SLC35F1: variants seen among roughly 807,000 people sequenced by gnomAD.
SLC35F1 encodes the protein chromosome 6 open reading frame 169.
A neutral mutation model predicts 48.7 loss-of-function variants in SLC35F1; 14 were observed. The observed-to-expected ratio is 0.29, with a 90% CI of 0.19 to 0.45. SLC35F1 has a LOEUF of 0.45. SLC35F1 is among the 20% of genes least tolerant of loss of function. The pLI is 1.00. For missense variants in SLC35F1, 404 were observed against 500.0 expected (o/e 0.81, Z 1.83); for synonymous variants, 190 against 202.2 (o/e 0.94, Z 0.51).
At chr6:118,020,753 G>T (rs945868647) in intron 1 of SLC35F1, among the ~76,000 whole-genome samples, 1 of 152,160 alleles carries the variant, frequency 6.6e-6, no homozygotes. Flanking sequence ...AAGGTTCAGG[G>T]AGTTGAAGAG....
chr6:117,967,336 T>C (rs1353112210), intron 1 of SLC35F1, among the ~76,000 whole-genome samples: 1 of 152,176 alleles, frequency 6.6e-6, no homozygotes. Context: ...ACTATATTTC[T>C]AAAAAATGAA....
chr6:118,057,406 TC>T (rs1772477806), intron 1 of SLC35F1, among the ~76,000 whole-genome samples: 1 of 152,014 alleles, frequency 6.6e-6, no homozygotes, highest in Non-Finnish European at 1.5e-5. Flanking sequence ...ACCTTGATGG[TC>T]CCAAGCAGGA....
In SLC35F1 at chr6:118,314,371, G is replaced by GT; in HGVS notation, c.*120dup. 2 of 839,514 alleles carry GT rather than the reference G, an allele frequency of 2.4e-6. No individual in the cohort carries two copies. The highest frequency in any genetic ancestry group is 3.8e-6 in the Non-Finnish European group (2 of 533,268). The allele number at this position is 839,514 out of a possible 1,614,324, so 52.0% of individuals were successfully genotyped here. On this transcript the variant is annotated 3_prime_UTR_variant, in exon 8 of 8. Transcript: ENST00000360388. Reference sequence around the variant, plus strand: ...GCAGTTTACACAGGTGGACTGCAAGGTAGCAAATCCTCCAAAAGCTTGTGA... The same window carrying GT: ...GCAGTTTACACAGGTGGACTGCAAGGTTAGCAAATCCTCCAAAAGCTTGTGA...
intron 3 of SLC35F1, among the ~76,000 whole-genome samples, chr6:118,250,131 T>C (rs1470867713): frequency 1.3e-5 from 2 of 152,240 alleles, no homozygotes; most frequent in African/African-American, 4.8e-5. Context: ...TTTGCTCAAC[T>C]GTCATCTTTT....
chr6:117,952,817 G>A (rs1046702831), intron 1 of SLC35F1, among the ~76,000 whole-genome samples: 1 of 152,132 alleles, frequency 6.6e-6, no homozygotes, highest in South Asian at 2.1e-4. Context: ...ATAATTTTTA[G>A]CCTACCAGAA....
intron 1 of SLC35F1, among the ~76,000 whole-genome samples, chr6:117,969,016 C>T (rs1776605994): frequency 6.6e-6 from 1 of 152,072 alleles, no homozygotes; most frequent in African/African-American, 2.4e-5. Flanking sequence ...AGCTTATAGC[C>T]TAGAAAATGT....
intron 1 of SLC35F1, among the ~76,000 whole-genome samples, chr6:118,059,791 A>G (rs1047922330): frequency 6.6e-6 from 1 of 152,218 alleles, no homozygotes; most frequent in African/African-American, 2.4e-5. Context: ...CCACATGCCC[A>G]GAGCAAGAGA....
chr6:117,927,670 A>G (rs1776046351), intron 1 of SLC35F1, among the ~76,000 whole-genome samples: 1 of 152,274 alleles, frequency 6.6e-6, no homozygotes, highest in South Asian at 2.1e-4. Flanking sequence ...AATCGCTTAG[A>G]ACAGTGCCTG....
At chr6:118,161,595 C>G (rs945260957) in intron 2 of SLC35F1, among the ~76,000 whole-genome samples, 3 of 152,180 alleles carry the variant, frequency 2.0e-5, no homozygotes, top group African/African-American at 7.2e-5. Flanking sequence ...TGGGAAATTA[C>G]TTGGCAAATC....
At chr6:118,124,911 G>T (rs892558474) in intron 1 of SLC35F1, among the ~76,000 whole-genome samples, 1 of 152,050 alleles carries the variant, frequency 6.6e-6, no homozygotes, top group Admixed American at 6.6e-5. Context: ...TCTTCACAAC[G>T]TGCAAAATAG....
At chr6:118,143,321 G>C (rs578018286) in intron 1 of SLC35F1, among the ~76,000 whole-genome samples, 1 of 152,038 alleles carries the variant, frequency 6.6e-6, no homozygotes, top group African/African-American at 2.4e-5. Flanking sequence ...AAGGAAAAAT[G>C]CCAAAGTCAT....
intron 1 of SLC35F1, among the ~76,000 whole-genome samples, chr6:117,927,092 A>T (rs568559179): frequency 6.6e-6 from 1 of 152,328 alleles, no homozygotes; most frequent in African/African-American, 2.4e-5. Context: ...ATCATCTGTG[A>T]AATTCAGTAA....
At chr6:118,204,400 T>C (rs950265494) in intron 2 of SLC35F1, among the ~76,000 whole-genome samples, 1 of 152,168 alleles carries the variant, frequency 6.6e-6, no homozygotes, top group South Asian at 2.1e-4. Flanking sequence ...CTTGGACACT[T>C]TTTACTTTGG....
At chr6:118,204,214 G>C (rs999205519) in intron 2 of SLC35F1, among the ~76,000 whole-genome samples, 15 of 151,758 alleles carry the variant, frequency 9.9e-5, no homozygotes, top group Non-Finnish European at 1.6e-4. Flanking sequence ...ACAAAGGAAA[G>C]GGCAAGAGAG....
intron 1 of SLC35F1, among the ~76,000 whole-genome samples, chr6:117,925,912 C>T (rs1041386784): frequency 3.9e-5 from 6 of 152,100 alleles, no homozygotes; most frequent in African/African-American, 1.4e-4. Context: ...TGAAAGGCCC[C>T]CACTCCATGT....
chr6:118,037,596 A>G (rs2114898642), intron 1 of SLC35F1, among the ~76,000 whole-genome samples: 1 of 152,298 alleles, frequency 6.6e-6, no homozygotes, highest in South Asian at 2.1e-4. Context: ...ACTATTTACA[A>G]TAGCAAAGAC....
chr6:117,989,128 G>A (rs905401109), intron 1 of SLC35F1, among the ~76,000 whole-genome samples: 1 of 152,120 alleles, frequency 6.6e-6, no homozygotes, highest in Non-Finnish European at 1.5e-5. Context: ...CTCTGAAAGG[G>A]TCATTGCATT....
At chr6:117,984,634 G>A (rs935209581) in intron 1 of SLC35F1, among the ~76,000 whole-genome samples, 1 of 152,068 alleles carries the variant, frequency 6.6e-6, no homozygotes, top group African/African-American at 2.4e-5. Context: ...CTGGTTTTGC[G>A]CTACAACAGC....
chr6:118,291,363 A>G (rs1357203303), intron 7 of SLC35F1, among the ~76,000 whole-genome samples: 2 of 152,110 alleles, frequency 1.3e-5, no homozygotes, highest in African/African-American at 4.8e-5. Context: ...ATTTTGGGGA[A>G]AAAGTATTTA....
Sources: gnomAD v4.1 joint callset for allele counts (sites outside exome capture counted in the v4.1 genomes callset) on GRCh38, gnomAD v4.1.1 for gene constraint, MANE v1.5 for transcripts, NCBI Gene and HGNC (gene_info 2026-07-23, HGNC 2026-07-21) for gene names.